The following LARGE1 variants were observed in gnomAD, a reference collection of about 807,000 sequenced individuals.
The protein encoded by LARGE1 is LARGE xylosyl- and glucuronyltransferase 1, also known as xylosyl- and glucuronyltransferase LARGE1.
A neutral mutation model predicts 87.6 loss-of-function variants in LARGE1; 43 were observed. The ratio of observed to expected loss-of-function variants is 0.49; its 90% CI spans 0.38 to 0.63. The LOEUF (loss-of-function observed/expected upper bound fraction) is 0.63, where lower values mean the gene tolerates loss of function less well. Ranked by LOEUF, LARGE1 falls within the 30% of genes least tolerant of loss-of-function variation. LARGE1 has a pLI of 0.00. For missense variants in LARGE1, 802 were observed against 1,000.2 expected, an observed-to-expected ratio of 0.80 and a Z score of 2.67; for synonymous variants, 434 against 394.6, an observed-to-expected ratio of 1.10 and a Z score of -1.18.
the LARGE1 span, among the ~76,000 whole-genome samples, chr22:33,073,419 A>C: frequency 6.6e-6 from 1 of 152,186 alleles, no homozygotes; most frequent in Non-Finnish European, 1.5e-5. Flanking sequence ...ACCAATCAAA[A>C]GGAATTTTAA....
At chr22:33,677,814 G>C (rs2081627756) in intron 2 of LARGE1, among the ~76,000 whole-genome samples, 1 of 152,174 alleles carries the variant, frequency 6.6e-6, no homozygotes, top group Admixed American at 6.5e-5. Context: ...GACCCGATTA[G>C]TCACATGGGA....
chr22:33,545,264 CTT>C (rs57882316), intron 6 of LARGE1, among the ~76,000 whole-genome samples: 63,089 of 131,658 alleles, frequency 0.48, 14,926 homozygotes, highest in Admixed American at 0.56. Flanking sequence ...CTTTCCTTTT[CTT>C]TTTTTTTTTT....
At chr22:33,827,182 GAAACCCCGTC>G (rs1181117068) in intron 1 of LARGE1, among the ~76,000 whole-genome samples, 2 of 150,116 alleles carry the variant, frequency 1.3e-5, no homozygotes, top group Non-Finnish European at 3.0e-5. Flanking sequence ...CTAACACGGT[GAAACCCCGTC>G]TCTATTAAAA....
At chr22:33,163,145 T>C (rs1732085583) in exon 12 of LARGE1, 1 of 152,222 alleles carries the variant, frequency 6.6e-6, no homozygotes, top group Admixed American at 6.5e-5. Flanking sequence ...AGATGCATCA[T>C]ATAAATTATC....
intron 2 of LARGE1, among the ~76,000 whole-genome samples, chr22:33,749,528 C>A (rs566960310): frequency 1.3e-5 from 2 of 152,216 alleles, no homozygotes; most frequent in Non-Finnish European, 2.9e-5. Context: ...ATCCACTTGT[C>A]CTTGGGGGCT....
intron 10 of LARGE1, among the ~76,000 whole-genome samples, chr22:33,333,703 C>A (rs1484911838): frequency 6.6e-6 from 1 of 152,282 alleles, no homozygotes; most frequent in East Asian, 1.9e-4. Context: ...GGACGGAGAA[C>A]CTCAGAGGTG....
intron 3 of LARGE1, among the ~76,000 whole-genome samples, chr22:33,634,264 C>G (rs1017909769): frequency 3.3e-5 from 5 of 152,134 alleles, no homozygotes; most frequent in Non-Finnish European, 5.9e-5. Flanking sequence ...CCTGGAGGGG[C>G]TTGTTACAAC....
At chr22:33,404,338 C>T (rs2066024388) in intron 7 of LARGE1, among the ~76,000 whole-genome samples, 1 of 152,178 alleles carries the variant, frequency 6.6e-6, no homozygotes, top group African/African-American at 2.4e-5. Context: ...GAGTGCCTGC[C>T]TCCTAGGCTG....
intron 6 of LARGE1, among the ~76,000 whole-genome samples, chr22:33,465,506 A>T (rs1019597252): frequency 6.6e-5 from 10 of 152,232 alleles, no homozygotes; most frequent in African/African-American, 2.4e-4. Flanking sequence ...ACCAACAAAA[A>T]CAAAACAATA....
At chr22:33,780,579 A>T (rs534417146) in intron 1 of LARGE1, among the ~76,000 whole-genome samples, 1 of 152,352 alleles carries the variant, frequency 6.6e-6, no homozygotes, top group African/African-American at 2.4e-5. Context: ...GCAACTGACT[A>T]TGACCCTGAT....
chr22:33,120,361 TC>T, the LARGE1 span, among the ~76,000 whole-genome samples: 1 of 82,644 alleles, frequency 1.2e-5, no homozygotes, highest in African/African-American at 5.9e-5. Context: ...TCTTTCTTTT[TC>T]TTTCTTTCTT....
At position 33,565,694 on chromosome 22, in the gene LARGE1, G is replaced by A. The variant is rs1033002447; in HGVS notation, c.616-675C>T. ...GTCAAGGAGGACCTAGTCATCACGC[G>A]ACACTCTTCACCTGACAGCAATAGA... On this transcript the variant is annotated intron_variant, in intron 5 of 14. Transcript: ENST00000397394. 2.6e-5 allele frequency among the ~76,000 whole-genome samples: 4 copies of A among 152,130 alleles called. 1 individual carries two copies. The highest frequency in any genetic ancestry group is 4.1e-4 in the South Asian group (2 of 4,824).
chr22:33,847,199 C>T (rs576687184), intron 1 of LARGE1, among the ~76,000 whole-genome samples: 16 of 152,256 alleles, frequency 1.1e-4, no homozygotes, highest in East Asian at 3.9e-4. Context: ...AAAGAACCTA[C>T]GTGACTATCG....
chr22:33,157,464 C>T (rs919902630), downstream of LARGE1, among the ~76,000 whole-genome samples: 5 of 152,204 alleles, frequency 3.3e-5, no homozygotes, highest in African/African-American at 7.2e-5. Flanking sequence ...CTCCCCACTT[C>T]CCATTTGCAT....
chr22:33,421,366 C>A (rs1432142201), intron 7 of LARGE1, among the ~76,000 whole-genome samples: 1 of 152,010 alleles, frequency 6.6e-6, no homozygotes, highest in Non-Finnish European at 1.5e-5. Context: ...TTCTTTTTAT[C>A]CTGAAATGAA....
chr22:33,538,068 T>G (rs2077091240), intron 6 of LARGE1, among the ~76,000 whole-genome samples: 1 of 152,102 alleles, frequency 6.6e-6, no homozygotes, highest in South Asian at 2.1e-4. Flanking sequence ...CATCCACAGG[T>G]CATGGTGCCT....
intron 6 of LARGE1, among the ~76,000 whole-genome samples, chr22:33,435,346 T>C (rs938786176): frequency 6.6e-5 from 10 of 152,174 alleles, no homozygotes; most frequent in Non-Finnish European, 7.3e-5. Flanking sequence ...CCATAAAAGA[T>C]GAAGTTGGCA....
At chr22:33,309,817 G>A (rs1298121947) in intron 11 of LARGE1, among the ~76,000 whole-genome samples, 1 of 152,150 alleles carries the variant, frequency 6.6e-6, no homozygotes, top group Non-Finnish European at 1.5e-5. Context: ...GCACAGGACG[G>A]TGAGGGGCAG....
At chr22:33,442,883 C>G (rs1220863213) in intron 6 of LARGE1, among the ~76,000 whole-genome samples, 1 of 151,778 alleles carries the variant, frequency 6.6e-6, no homozygotes, top group Non-Finnish European at 1.5e-5. Context: ...AGCTCCGCCT[C>G]CCGGGTTCAC....
Sources: allele counts gnomAD v4.1 joint callset (sites outside exome capture counted in the v4.1 genomes callset), GRCh38; gene constraint gnomAD v4.1.1; transcripts MANE v1.5; gene names NCBI Gene and HGNC (gene_info 2026-07-23, HGNC 2026-07-21).